Variants in SLC26A4 observed in about 807,000 individuals in gnomAD.
The protein encoded by SLC26A4 is solute carrier family 26 member 4, also known as pendrin.
A neutral mutation model predicts 90.4 loss-of-function variants in SLC26A4; 93 were observed. The observed-to-expected ratio is 1.03, with a 90% CI of 0.87 to 1.22. The LOEUF (loss-of-function observed/expected upper bound fraction) is 1.22. Among genes scored for constraint, SLC26A4 ranks in the 50% most tolerant of loss-of-function variants. The pLI, the probability that SLC26A4 is intolerant of heterozygous loss-of-function variation, is 0.00. For synonymous variants in SLC26A4, 393 were observed against 354.6 expected (o/e 1.11, Z -1.22); for missense variants, 1,127 against 946.2 (o/e 1.19, Z -2.51).
chr7:107,716,899 A>G lies in SLC26A4; in HGVS notation c.*1453A>G, dbSNP rs1792360184. The G allele has an allele frequency of 6.6e-6, 1 of 152,228 alleles. No individual in the cohort carries two copies. Among genetic ancestry groups the G allele is most frequent in the African/African-American group, 2.4e-5 (1 of 41,452 alleles). The allele number at this position is 152,228 out of a possible 1,614,324, so 9.4% of individuals were successfully genotyped here. A position where few individuals can be genotyped will look rare whatever the true frequency, so the allele number is the denominator to read the frequency against. ...TTCTCTGTTTTTCTTCTGAAATACAACCAGAAACAATGTGTCTATTTCTGA... is the reference window on the plus strand; with the variant it reads ...TTCTCTGTTTTTCTTCTGAAATACAGCCAGAAACAATGTGTCTATTTCTGA... On this transcript the variant is annotated 3_prime_UTR_variant, in exon 21 of 21. Transcript: ENST00000644269.
rs1253350278 is a variant in SLC26A4, at chr7:107,689,084, T to G, written c.1033T>G (p.Leu345Val). 1 of 1,614,018 alleles carries G rather than the reference T, an allele frequency of 6.2e-7. No individual in the cohort carries two copies. Among genetic ancestry groups the G allele is most frequent in the East Asian group, 2.2e-5 (1 of 44,884 alleles). The change falls in exon 9 of 21, where the codon TTG (leucine) becomes GTG (valine). Residue 345 changes from leucine (L) to valine (V), a missense_variant. Transcript: ENST00000644269. ...GCCTCCTGAACTTCCACCTGTGAGCTTGTTCTCGGAGATGCTGGCTGCATC... is the reference window on the plus strand; with the variant it reads ...GCCTCCTGAACTTCCACCTGTGAGCGTGTTCTCGGAGATGCTGGCTGCATC... ...FLPPELPPVS[L>V]FSEMLAASFS... is the part of the protein sequence containing the mutation.
intron 17 of SLC26A4, among the ~76,000 whole-genome samples, chr7:107,703,397 T>C (rs958791715): frequency 1.3e-5 from 2 of 152,214 alleles, no homozygotes; most frequent in Non-Finnish European, 2.9e-5. Flanking sequence ...AGGATGTGGG[T>C]ACTAGGTAGG....
At chr7:107,700,973 C>A (rs1791869294) in intron 15 of SLC26A4, 128 bp from the exon 16 acceptor site, 1 of 690,068 alleles carries the variant, frequency 1.4e-6, no homozygotes, top group South Asian at 1.5e-5. Flanking sequence ...TCAGACCTTA[C>A]AATTTCTTTT....
chr7:107,663,345 T>A lies in SLC26A4; in HGVS notation c.214T>A (p.Leu72Met). The change falls in exon 3 of 21, where the codon TTG becomes ATG. Residue 72 changes from leucine to methionine, a missense_variant. Transcript: ENST00000644269. ...TGTGCTAAAGACTCTTGTGCCCATC[T>A]TGGAGTGGCTCCCCAAATACCGAGT... ...FGVLKTLVPI[L>M]EWLPKYRVKE... 3 of 1,614,182 alleles carry A rather than the reference T, an allele frequency of 1.9e-6. No homozygotes were observed. Among genetic ancestry groups the A allele is most frequent in the Non-Finnish European group, 2.5e-6 (3 of 1,180,018 alleles).
intron 3 of SLC26A4, among the ~76,000 whole-genome samples, 185 bp from the exon 4 acceptor site, chr7:107,671,953 A>AAT (rs1479148488): frequency 1.3e-5 from 2 of 152,208 alleles, no homozygotes; most frequent in Non-Finnish European, 2.9e-5. Flanking sequence ...TAGTTTACTG[A>AAT]ATAATGTACT....
At chr7:107,712,247 A>G (rs111575100) in intron 19 of SLC26A4, among the ~76,000 whole-genome samples, 3 of 152,346 alleles carry the variant, frequency 2.0e-5, no homozygotes, top group African/African-American at 7.2e-5. Context: ...TGACTGCTGA[A>G]TCATTTAGGC....
chr7:107,673,386 GT>G (rs1160546006), intron 4 of SLC26A4, among the ~76,000 whole-genome samples: 3 of 151,970 alleles, frequency 2.0e-5, no homozygotes, highest in Non-Finnish European at 2.9e-5. Context: ...TCCCTTTGCT[GT>G]TTTTTTAATC....
intron 6 of SLC26A4, 29 bp downstream of exon 6, chr7:107,675,138 G>T (rs1310229941): frequency 6.2e-7 from 1 of 1,604,780 alleles, no homozygotes; most frequent in African/African-American, 1.3e-5. Flanking sequence ...TCCAGGGATG[G>T]GTCACTGTTC....
chr7:107,670,538 C>A (rs1475870682), intron 3 of SLC26A4, among the ~76,000 whole-genome samples: 1 of 152,148 alleles, frequency 6.6e-6, no homozygotes, highest in East Asian at 1.9e-4. Context: ...TACTTCACAT[C>A]TCTCCACGTT....
At chr7:107,687,179 C>G (rs1317814440) in intron 8 of SLC26A4, among the ~76,000 whole-genome samples, 1 of 152,196 alleles carries the variant, frequency 6.6e-6, no homozygotes, top group African/African-American at 2.4e-5. Flanking sequence ...CTCCCTTGGG[C>G]TCTTCATAGT....
Position 107,716,150 on chromosome 7 carries a change from GATA to G in SLC26A4, c.*710_*712del, listed in dbSNP as rs1312619399. The G allele has an allele frequency of 1.3e-5, 2 of 152,076 alleles. No homozygotes were observed. The highest frequency in any genetic ancestry group is 2.9e-5 in the Non-Finnish European group (2 of 68,054). The allele number at this position is 152,076 out of a possible 1,614,324, so 9.4% of individuals were successfully genotyped here. A position where few individuals can be genotyped will look rare whatever the true frequency, so the allele number is the denominator to read the frequency against. ...GGTTTATAAAAATCTTTTTTGATAT[GATA>G]ATAATCATGATCACAACTGAGATCA... On this transcript the variant is annotated 3_prime_UTR_variant, in exon 21 of 21. Coordinates refer to ENST00000644269, the MANE Select transcript of SLC26A4 (RefSeq NM_000441.2).
intron 8 of SLC26A4, among the ~76,000 whole-genome samples, chr7:107,687,789 C>A (rs1791459310): frequency 6.6e-6 from 1 of 152,138 alleles, no homozygotes; most frequent in South Asian, 2.1e-4. Context: ...TTGACTGGGT[C>A]TCAGGAGCAA....
At chr7:107,668,022 C>T (rs943579395) in intron 3 of SLC26A4, among the ~76,000 whole-genome samples, 2 of 152,044 alleles carry the variant, frequency 1.3e-5, no homozygotes, top group Admixed American at 1.3e-4. Context: ...AAAGGCACAC[C>T]CCCTGAGGAA....
At chr7:107,675,772 C>T (rs1337281166) in intron 6 of SLC26A4, among the ~76,000 whole-genome samples, 2 of 151,990 alleles carry the variant, frequency 1.3e-5, no homozygotes, top group East Asian at 3.9e-4. Context: ...CAGGGTTTCA[C>T]CATTTGGGCC....
chr7:107,689,594 G>A (rs1238337678), intron 9 of SLC26A4, among the ~76,000 whole-genome samples: 5 of 152,158 alleles, frequency 3.3e-5, no homozygotes, highest in Non-Finnish European at 7.4e-5. Context: ...TTAAATTGAG[G>A]TGGTTCACTG....
intron 3 of SLC26A4, among the ~76,000 whole-genome samples, chr7:107,669,250 C>T (rs935254601): frequency 2.0e-5 from 3 of 152,194 alleles, no homozygotes; most frequent in Non-Finnish European, 4.4e-5. Context: ...AGCCATCACA[C>T]CTAGCCCCAG....
intron 3 of SLC26A4, among the ~76,000 whole-genome samples, chr7:107,671,405 C>T (rs1207855947): frequency 6.6e-6 from 1 of 152,226 alleles, no homozygotes; most frequent in Admixed American, 6.5e-5. Context: ...ACTGATACTC[C>T]TGCCTATGGC....
intron 20 of SLC26A4, among the ~76,000 whole-genome samples, chr7:107,714,087 T>C (rs943679246): frequency 6.2e-3 from 42 of 6,764 alleles, no homozygotes; most frequent in Non-Finnish European, 7.5e-3. Flanking sequence ...TCCAGATAAT[T>C]TTTTTTTTTT....
rs929239906 is a variant in SLC26A4, at chr7:107,661,662, G to T, written c.21G>T (p.Arg7Ser). The change falls in exon 2 of 21, where the codon AGG becomes AGT. Residue 7 changes from arginine to serine, a missense_variant. By Grantham distance (110) the Arg-to-Ser change is moderately radical. Coordinates refer to ENST00000644269, the MANE Select transcript of SLC26A4 (RefSeq NM_000441.2). The surrounding 1 kb of genome is among the most constrained non-coding windows in gnomAD (Gnocchi z 5.1). ...AGGTCATGGCAGCGCCAGGCGGCAG[G>T]TCGGAGCCGCCGCAGCTCCCCGAGT... is the stretch of plus-strand genomic sequence containing the variant. MAAPGG[R>S]SEPPQLPEYS... The T allele has an allele frequency of 6.4e-7, 1 of 1,568,450 alleles. No homozygotes were observed. Among genetic ancestry groups the T allele is most frequent in the African/African-American group, 1.3e-5 (1 of 74,344 alleles).
Sources: allele counts gnomAD v4.1 joint callset (sites outside exome capture counted in the v4.1 genomes callset), GRCh38; gene constraint gnomAD v4.1.1; non-coding constraint Gnocchi (gnomAD v3.1); transcripts MANE v1.5; gene names NCBI Gene and HGNC (gene_info 2026-07-23, HGNC 2026-07-21).